ZHX3: variants seen among roughly 807,000 people sequenced by gnomAD.
ZHX3 encodes the protein zinc fingers and homeoboxes protein 3.
In ZHX3, 20 loss-of-function variants were observed where a neutral mutation model predicts 64.5. That is an observed-to-expected ratio of 0.31 (90% CI 0.22 to 0.45). The LOEUF (loss-of-function observed/expected upper bound fraction) is 0.45, where lower values mean the gene tolerates loss of function less well. Among genes scored for constraint, ZHX3 ranks in the 20% least tolerant of loss-of-function variants. ZHX3 has a pLI of 1.00. For missense variants in ZHX3, 1,041 were observed against 1,195.8 expected (o/e 0.87, Z 1.91); for synonymous variants, 423 against 461.6 (o/e 0.92, Z 1.07).
At chr20:41,211,797 C>G (rs1490830889) in intron 2 of ZHX3, among the ~76,000 whole-genome samples, 1 of 152,118 alleles carries the variant, frequency 6.6e-6, no homozygotes, top group Non-Finnish European at 1.5e-5. Context: ...TTTCTTCTAT[C>G]AAATTATTTC....
rs1267630770 is a variant in ZHX3 at position 41,182,489 on chromosome 20, T to C, written c.*2702A>G. On this transcript the variant is annotated 3_prime_UTR_variant, in exon 4 of 4. Coordinates refer to ENST00000683867, the MANE Select transcript of ZHX3 (RefSeq NM_001384317.1). This position sits in a 1 kb window ranked among gnomAD's most constrained non-coding sequence, Gnocchi z 6.1. ...ATCCCCCACTGCCACTGGGCTAGTG[T>C]GGGTGTGTCTCTGTGCACGACTGGC... 1.3e-5 allele frequency: 2 copies of C among 152,268 alleles called. No homozygotes were observed. Among genetic ancestry groups the C allele is most frequent in the Non-Finnish European group, 2.9e-5 (2 of 68,076 alleles). The allele number at this position is 152,268 out of a possible 1,614,324, so 9.4% of individuals were successfully genotyped here. A position where few individuals can be genotyped will look rare whatever the true frequency, so the allele number is the denominator to read the frequency against.
At chr20:41,222,011 G>A (rs1161906531) in intron 2 of ZHX3, among the ~76,000 whole-genome samples, 1 of 152,210 alleles carries the variant, frequency 6.6e-6, no homozygotes, top group Admixed American at 6.5e-5. Flanking sequence ...AGAGGGCTTT[G>A]AGCAGAAGGT....
At chr20:41,253,235 G>T in intron 2 of ZHX3, among the ~76,000 whole-genome samples, 1 of 119,572 alleles carries the variant, frequency 8.4e-6, no homozygotes. Context: ...CTTGGTTTTT[G>T]GGACTACAGT....
intron 2 of ZHX3, chr20:41,238,770 A>T (rs2041178454): frequency 6.6e-6 from 1 of 152,168 alleles, no homozygotes; most frequent in Non-Finnish European, 1.5e-5. Context: ...TCTCCAAGGC[A>T]GGGTCTTGGT....
Position 41,258,072 on chromosome 20 carries a change from G to C in ZHX3, c.-151+10918C>G, listed in dbSNP as rs556301336. 1.0e-3 allele frequency among the ~76,000 whole-genome samples: 151 copies of C among 151,664 alleles called. No homozygotes were observed. In the Middle Eastern group the frequency reaches 0.01, roughly 10 times the overall value. On this transcript the variant is annotated intron_variant, in intron 2 of 3. Transcript: ENST00000683867. ...CCGCCACCATGCCCAGATAATTTTT[G>C]TATTTTTAGTAGAGATGAGGTTTCA...
intron 2 of ZHX3, among the ~76,000 whole-genome samples, chr20:41,265,551 T>TA (rs1167854062): frequency 6.6e-6 from 1 of 152,096 alleles, no homozygotes; most frequent in Non-Finnish European, 1.5e-5. Flanking sequence ...CAGAAAAACT[T>TA]ATAGTATTCC....
intron 2 of ZHX3, among the ~76,000 whole-genome samples, chr20:41,208,238 T>A (rs941644340): frequency 6.6e-6 from 1 of 152,160 alleles, no homozygotes; most frequent in African/African-American, 2.4e-5. Flanking sequence ...ACCAGACAGA[T>A]CCACAGCTGA....
At chr20:41,299,185 A>G (rs1030460854) in intron 1 of ZHX3, among the ~76,000 whole-genome samples, 1 of 152,236 alleles carries the variant, frequency 6.6e-6, no homozygotes, top group Non-Finnish European at 1.5e-5. Context: ...TTAGTCTGCT[A>G]TTACATTTAC....
chr20:41,242,827 G>C (rs1444265456), intron 2 of ZHX3, among the ~76,000 whole-genome samples: 1 of 152,150 alleles, frequency 6.6e-6, no homozygotes, highest in East Asian at 1.9e-4. Flanking sequence ...ATAATTAAGT[G>C]ATTTTTATAA....
At chr20:41,295,791 C>T (rs1374724171) in intron 1 of ZHX3, among the ~76,000 whole-genome samples, 1 of 151,212 alleles carries the variant, frequency 6.6e-6, no homozygotes, top group Non-Finnish European at 1.5e-5. Context: ...GCGGAGCTTG[C>T]AGTGAGCCGA....
At chr20:41,187,747 G>T (rs1374392202) in intron 3 of ZHX3, among the ~76,000 whole-genome samples, 2 of 152,068 alleles carry the variant, frequency 1.3e-5, no homozygotes, top group African/African-American at 4.8e-5. Context: ...TCTATTTGGG[G>T]TCCCCTGAGA....
intron 2 of ZHX3, among the ~76,000 whole-genome samples, chr20:41,252,657 C>A (rs1452653038): frequency 1.3e-5 from 2 of 152,138 alleles, no homozygotes; most frequent in Admixed American, 1.3e-4. Flanking sequence ...CCTTTTCTGG[C>A]ATTTTAAGTA....
intron 1 of ZHX3, among the ~76,000 whole-genome samples, chr20:41,291,270 G>A (rs2044223363): frequency 6.6e-6 from 1 of 152,108 alleles, no homozygotes; most frequent in African/African-American, 2.4e-5. Context: ...GAAGATCAGA[G>A]AACAGAAGTC....
rs1369069156 is a variant in ZHX3 at position 41,203,947 on chromosome 20, G to A, written c.970C>T (p.His324Tyr). ...DSNSFLKNSF[H>Y]KFPYPTKAEL... ...GCTTTGGTGGGGTAGGGGAACTTGT[G>A]GAAGGAGTTCTTCAGGAAGCTGTTA... is the stretch of plus-strand genomic sequence containing the variant. The change falls in exon 3 of 4, where the codon CAC becomes TAC. Residue 324 changes from histidine to tyrosine, a missense_variant. This residue lies in a region of ZHX3 where 28 missense variants were observed against 66.7 expected (regional missense o/e 0.42). Transcript: ENST00000683867. The surrounding 1 kb of genome is among the most constrained non-coding windows in gnomAD (Gnocchi z 7.1). 14 of 1,614,100 alleles carry A rather than the reference G, an allele frequency of 8.7e-6. No homozygotes were observed. Among genetic ancestry groups the A allele is most frequent in the African/African-American group, 5.3e-5 (4 of 74,938 alleles).
At chr20:41,198,483 GTTTT>G (rs202195899) in intron 3 of ZHX3, among the ~76,000 whole-genome samples, 1 of 144,726 alleles carries the variant, frequency 6.9e-6, no homozygotes, top group Admixed American at 6.9e-5. Flanking sequence ...TGGTTTAGAG[GTTTT>G]TTTTTTTTCT....
At chr20:41,317,024 G>C (rs1357156258) in intron 1 of ZHX3, 1 of 152,504 alleles carries the variant, frequency 6.6e-6, no homozygotes, top group African/African-American at 2.4e-5. Context: ...GGGGGCATGG[G>C]CTGCCACATC....
At chr20:41,243,917 T>C (rs1263233116) in intron 2 of ZHX3, among the ~76,000 whole-genome samples, 2 of 152,058 alleles carry the variant, frequency 1.3e-5, no homozygotes, top group East Asian at 3.9e-4. Flanking sequence ...GGGGAGGAGA[T>C]GCTTTTGAGG....
In ZHX3 at chr20:41,191,280, CT is replaced by C. The variant is rs571253301; in HGVS notation, c.2861-6080del. ...AAAGACCTGTGTTCTAGCTCTAAGACTTTTTTTTCTGCTTGATCTAATATAT... is the reference window on the plus strand; with the variant it reads ...AAAGACCTGTGTTCTAGCTCTAAGACTTTTTTTCTGCTTGATCTAATATAT... On this transcript the variant is annotated intron_variant, in intron 3 of 3. Coordinates refer to ENST00000683867, the MANE Select transcript of ZHX3 (RefSeq NM_001384317.1). 9.2e-5 allele frequency among the ~76,000 whole-genome samples: 14 copies of C among 152,098 alleles called. No homozygotes were observed. In the South Asian group the frequency reaches 2.9e-3, roughly 32 times the overall value.
chr20:41,234,699 T>C (rs950784393), intron 2 of ZHX3, among the ~76,000 whole-genome samples: 1 of 152,244 alleles, frequency 6.6e-6, no homozygotes, highest in South Asian at 2.1e-4. Context: ...TACAGCCCTT[T>C]GGTTACTGGC....
Sources: allele counts gnomAD v4.1 joint callset (sites outside exome capture counted in the v4.1 genomes callset), GRCh38; gene constraint gnomAD v4.1.1; regional missense constraint gnomAD v4.1.1; non-coding constraint Gnocchi (gnomAD v3.1); transcripts MANE v1.5; gene names NCBI Gene and HGNC (gene_info 2026-07-23, HGNC 2026-07-21).